Variants in ECT2 observed in about 807,000 individuals in gnomAD.
ECT2 encodes epithelial cell transforming 2.
Under a neutral mutation model 116.9 loss-of-function variants are expected in ECT2, and 61 were observed. That is an observed-to-expected ratio of 0.52 (90% CI 0.42 to 0.65). The LOEUF (loss-of-function observed/expected upper bound fraction) is 0.65. ECT2 is among the 30% of genes least tolerant of loss of function. ECT2 has a pLI of 0.00. For missense variants in ECT2, 937 were observed against 1,078.7 expected (o/e 0.87, Z 1.84); for synonymous variants, 358 against 346.4 (o/e 1.03, Z -0.37).
At chr3:172,798,318 T>C (rs1726100665) in intron 18 of ECT2, among the ~76,000 whole-genome samples, 1 of 152,206 alleles carries the variant, frequency 6.6e-6, no homozygotes, top group South Asian at 2.1e-4. Context: ...TTTCACCAGC[T>C]TTTTAAACTA....
Position 172,815,593 on chromosome 3 carries a change from T to G in ECT2, c.2401-11T>G, listed in dbSNP as rs747919165. On this transcript the variant is annotated splice_polypyrimidine_tract_variant and intron_variant, in intron 22 of 24. Coordinates refer to ENST00000392692, the MANE Select transcript of ECT2 (RefSeq NM_001258315.2). ...GTTTTTAAGATAACAAAAAGTATTA[T>G]TTTTCAATAGGAGAATCTTATTTAT... is the stretch of plus-strand genomic sequence containing the variant. The G allele has an allele frequency of 6.6e-7, 1 of 1,506,896 alleles. No individual in the cohort carries two copies. Among genetic ancestry groups the G allele is most frequent in the Non-Finnish European group, 9.0e-7 (1 of 1,105,314 alleles). The allele number at this position is 1,506,896 out of a possible 1,614,324, so 93.3% of individuals were successfully genotyped here.
intron 18 of ECT2, among the ~76,000 whole-genome samples, chr3:172,794,697 G>A (rs1457128994): frequency 6.6e-6 from 1 of 152,088 alleles, no homozygotes; most frequent in Non-Finnish European, 1.5e-5. Flanking sequence ...ATCAATTTTA[G>A]GAGTATTATC....
At chr3:172,813,177 G>A (rs1045060898) in intron 22 of ECT2, among the ~76,000 whole-genome samples, 10 of 152,036 alleles carry the variant, frequency 6.6e-5, no homozygotes, top group African/African-American at 2.4e-4. Flanking sequence ...AGTATCAAGA[G>A]TTTTCCTTTA....
At position 172,786,481 on chromosome 3, in the gene ECT2, G is replaced by A. The variant is rs1407802963; in HGVS notation, c.1826-12G>A. 6.3e-7 allele frequency: 1 copy of A among 1,580,870 alleles called. No individual in the cohort carries two copies. The highest frequency in any genetic ancestry group is 1.1e-5 in the South Asian group (1 of 88,450). Reference sequence around the variant, plus strand: ...ATTTTTTATGCATGGAAAAAACATTGTATTATTACAGATCTTAAGAAGCAT... The same window carrying A: ...ATTTTTTATGCATGGAAAAAACATTATATTATTACAGATCTTAAGAAGCAT... On this transcript the variant is annotated splice_polypyrimidine_tract_variant and intron_variant, in intron 17 of 24. Transcript: ENST00000392692.
At chr3:172,784,000 T>C (rs1200301312) in intron 16 of ECT2, 91 bp downstream of exon 16, 2 of 854,792 alleles carry the variant, frequency 2.3e-6, no homozygotes, top group Non-Finnish European at 3.6e-6. Flanking sequence ...ATTTTAACTT[T>C]AGTAAAATGT....
intron 13 of ECT2, 147 bp downstream of exon 13, chr3:172,769,290 T>A: frequency 1.3e-6 from 1 of 747,016 alleles, no homozygotes; most frequent in Non-Finnish European, 2.1e-6. Context: ...CAAAAACTGC[T>A]GTTAGGGAAA....
At chr3:172,817,402 A>C (rs1379990313) in intron 24 of ECT2, among the ~76,000 whole-genome samples, 1 of 152,114 alleles carries the variant, frequency 6.6e-6, no homozygotes, top group Non-Finnish European at 1.5e-5. Context: ...AATATGTTCT[A>C]AAATCTCTGA....
chr3:172,762,622 C>T (rs1384325335), intron 9 of ECT2, 69 bp from the exon 10 acceptor site: 6 of 1,577,646 alleles, frequency 3.8e-6, no homozygotes, highest in Non-Finnish European at 5.1e-6. Flanking sequence ...GGTCAATATA[C>T]CTCTTAAAAA....
At position 172,815,668 on chromosome 3, in the gene ECT2, C is replaced by T; in HGVS notation, c.2465C>T (p.Thr822Ile). 6.2e-7 allele frequency: 1 copy of T among 1,605,962 alleles called. No individual in the cohort carries two copies. Among genetic ancestry groups the T allele is most frequent in the Non-Finnish European group, 8.5e-7 (1 of 1,176,620 alleles). ...FEVNTKDMDS[T>I]LSRASRAIKK... Reference sequence around the variant, plus strand: ...GTAAATACAAAAGATATGGACAGTACATTGAGTAGAGCATCAAGAGCAATA... The same window carrying T: ...GTAAATACAAAAGATATGGACAGTATATTGAGTAGAGCATCAAGAGCAATA... The change falls in exon 23 of 25, where the codon ACA (threonine) becomes ATA (isoleucine). Residue 822 changes from threonine (T) to isoleucine (I), a missense_variant. Transcript: ENST00000392692.
intron 12 of ECT2, among the ~76,000 whole-genome samples, chr3:172,767,157 C>T (rs1056024793): frequency 6.6e-6 from 1 of 152,102 alleles, no homozygotes; most frequent in Non-Finnish European, 1.5e-5. Context: ...AAAAAGCACT[C>T]AGGGGCTGGG....
At chr3:172,809,585 ACACACACACACACG>A (rs1386941202) in intron 22 of ECT2, among the ~76,000 whole-genome samples, 6 of 150,814 alleles carry the variant, frequency 4.0e-5, no homozygotes, top group Non-Finnish European at 7.4e-5. Context: ...ACACACACAC[ACACACACACACACG>A]CACACACACA....
intron 22 of ECT2, among the ~76,000 whole-genome samples, chr3:172,808,838 G>A (rs569405590): frequency 6.6e-6 from 1 of 152,272 alleles, no homozygotes; most frequent in Admixed American, 6.5e-5. Flanking sequence ...TATAAAGTAA[G>A]TATTCATTGA....
intron 22 of ECT2, among the ~76,000 whole-genome samples, chr3:172,815,097 C>A (rs138895386): frequency 7.2e-5 from 11 of 152,306 alleles, no homozygotes; most frequent in Non-Finnish European, 1.6e-4. Context: ...ATGCCCTTTG[C>A]ACGTGTATAC....
intron 5 of ECT2, among the ~76,000 whole-genome samples, chr3:172,757,978 C>G (rs889126945): frequency 1.3e-5 from 2 of 152,128 alleles, no homozygotes; most frequent in South Asian, 4.2e-4. Context: ...CTGCCTCAGC[C>G]TCTCAAGTAG....
At position 172,783,831 on chromosome 3, in the gene ECT2, T is replaced by C; in HGVS notation, c.1650T>C (p.Phe550=). ...ATTTGGTAAAAACCTACCCTCCCTT[T>C]GTAAACTTCTTTGAAATGAGCAAGG... The part of the protein sequence containing the change: ...SKDLVKTYPP[F]VNFFEMSKET... The change falls in exon 16 of 25, where the codon TTT becomes TTC. Residue 550 remains phenylalanine (F), a synonymous_variant. Transcript: ENST00000392692. 6.2e-7 allele frequency: 1 copy of C among 1,605,010 alleles called. No homozygotes were observed. The highest frequency in any genetic ancestry group is 8.5e-7 in the Non-Finnish European group (1 of 1,176,286).
chr3:172,774,835 C>T (rs575107054), intron 14 of ECT2, among the ~76,000 whole-genome samples: 1 of 152,202 alleles, frequency 6.6e-6, no homozygotes, highest in East Asian at 1.9e-4. Context: ...TCAGTTAATC[C>T]TACAAACAAG....
intron 24 of ECT2, chr3:172,818,748 T>C (rs1730218572): frequency 1.6e-6 from 2 of 1,286,912 alleles, no homozygotes; most frequent in Non-Finnish European, 2.0e-6. Context: ...CCAAGTCATC[T>C]TTGACATTTG....
At chr3:172,786,417 A>C in intron 17 of ECT2, 76 bp from the exon 18 acceptor site, 12 of 908,108 alleles carry the variant, frequency 1.3e-5, no homozygotes, top group Non-Finnish European at 2.1e-5. Flanking sequence ...AGCTGTATCA[A>C]GATGGACAGC....
chr3:172,816,901 C>T, intron 24 of ECT2, 64 bp downstream of exon 24: 1 of 1,305,264 alleles, frequency 7.7e-7, no homozygotes. Flanking sequence ...AATTTGTTAA[C>T]TTCTAAAAAT....
Sources: allele counts gnomAD v4.1 joint callset (sites outside exome capture counted in the v4.1 genomes callset), GRCh38; gene constraint gnomAD v4.1.1; transcripts MANE v1.5; gene names NCBI Gene and HGNC (gene_info 2026-07-23, HGNC 2026-07-21).